The following TSPAN7 variants were observed in gnomAD, a reference collection of about 807,000 sequenced individuals.
TSPAN7 encodes tetraspanin-7.
TSPAN7 carries 1 observed loss-of-function variant against 17.6 expected under a neutral mutation model. The observed-to-expected ratio is 0.06, with a 90% confidence interval of 0.02 to 0.27. The LOEUF (loss-of-function observed/expected upper bound fraction) is 0.27. Ranked by LOEUF, TSPAN7 falls within the 10% of genes least tolerant of loss-of-function variation. The pLI is 1.00. For synonymous variants in TSPAN7, 78 were observed against 79.0 expected (o/e 0.99, Z 0.07); for missense variants, 112 against 201.7 (o/e 0.56, Z 2.69).
intron 1 of TSPAN7, among the ~76,000 whole-genome samples, chrX:38,643,484 A>G (rs1342357927): frequency 9.1e-6 from 1 of 109,893 alleles, no homozygotes; most frequent in Non-Finnish European, 1.9e-5. Context: ...GCTGGGTGTG[A>G]CAGGAAAAAG....
At chrX:38,640,339 T>C (rs766626399) in intron 1 of TSPAN7, among the ~76,000 whole-genome samples, 5 of 111,809 alleles carry the variant, frequency 4.5e-5, no homozygotes, top group Non-Finnish European at 9.4e-5. Flanking sequence ...ATAAATAGCA[T>C]AATAGCGAAA....
chrX:38,642,343 TG>T (rs2069617401), intron 1 of TSPAN7, among the ~76,000 whole-genome samples: 1 of 111,857 alleles, frequency 8.9e-6, no homozygotes, highest in African/African-American at 3.3e-5. Flanking sequence ...AATCTCCCAG[TG>T]GGTATTTATA....
chrX:38,564,808 A>T (rs2069133342), intron 1 of TSPAN7, among the ~76,000 whole-genome samples: 1 of 111,727 alleles, frequency 9.0e-6, no homozygotes, highest in Non-Finnish European at 1.9e-5. Context: ...TCTTTTGACC[A>T]TCTTAAGATG....
chrX:38,565,089 A>G (rs2147392115), intron 1 of TSPAN7, among the ~76,000 whole-genome samples: 1 of 112,126 alleles, frequency 8.9e-6, no homozygotes, highest in African/African-American at 3.2e-5. Flanking sequence ...ATTATCTCTC[A>G]GTTCAGTAAA....
chrX:38,567,074 GA>G (rs1268660824), intron 1 of TSPAN7, among the ~76,000 whole-genome samples: 1 of 104,749 alleles, frequency 9.5e-6, no homozygotes, highest in Non-Finnish European at 1.9e-5. Context: ...ATCTTTTCTG[GA>G]AAAATAATTT....
intron 1 of TSPAN7, among the ~76,000 whole-genome samples, chrX:38,572,876 C>G (rs2069176337): frequency 1.8e-5 from 2 of 111,911 alleles, no homozygotes; most frequent in Non-Finnish European, 1.9e-5. Context: ...CTGTATCACT[C>G]ACTTGATATT....
intron 1 of TSPAN7, among the ~76,000 whole-genome samples, chrX:38,659,817 CTTTTTCTTTTTTTTTT>C (rs1452366937): frequency 4.8e-4 from 40 of 82,704 alleles, no homozygotes; most frequent in Admixed American, 1.6e-3. Flanking sequence ...TTTTCTTTTT[CTTTTTCTTTTTTTTTT>C]TTTTTTTTTT....
chrX:38,683,634 G>A (rs781637492), intron 6 of TSPAN7, among the ~76,000 whole-genome samples: 30 of 112,882 alleles, frequency 2.7e-4, no homozygotes, highest in Non-Finnish European at 4.9e-4. Flanking sequence ...AAGAGAAATG[G>A]CTATGGCTGG....
At chrX:38,599,689 C>A in intron 1 of TSPAN7, among the ~76,000 whole-genome samples, 1 of 111,156 alleles carries the variant, frequency 9.0e-6, no homozygotes, top group Non-Finnish European at 1.9e-5. Context: ...GCTTGCCCTA[C>A]ATTTTCTTGG....
chrX:38,590,957 G>C (rs941947765), intron 1 of TSPAN7, among the ~76,000 whole-genome samples: 1 of 111,246 alleles, frequency 9.0e-6, no homozygotes, highest in Non-Finnish European at 1.9e-5. Flanking sequence ...GATTTATCAA[G>C]TTTGATTTTC....
chrX:38,579,913 G>C (rs1004474474), intron 1 of TSPAN7, among the ~76,000 whole-genome samples: 1 of 111,728 alleles, frequency 9.0e-6, no homozygotes, highest in Non-Finnish European at 1.9e-5. Flanking sequence ...TATCAGTTGG[G>C]CTTATTTTTA....
intron 1 of TSPAN7, among the ~76,000 whole-genome samples, chrX:38,626,459 G>A (rs1331461884): frequency 1.8e-5 from 2 of 111,959 alleles, no homozygotes; most frequent in African/African-American, 6.5e-5. Context: ...AGCATCAGGA[G>A]AGCAGGATGA....
intron 1 of TSPAN7, among the ~76,000 whole-genome samples, chrX:38,569,569 T>A: frequency 9.0e-6 from 1 of 111,162 alleles, no homozygotes; most frequent in East Asian, 2.8e-4. Context: ...TCCCCTTTCC[T>A]CCCTACTTCC....
At chrX:38,603,198 C>A (rs1020641907) in intron 1 of TSPAN7, among the ~76,000 whole-genome samples, 3 of 111,616 alleles carry the variant, frequency 2.7e-5, no homozygotes, top group African/African-American at 9.8e-5. Flanking sequence ...TAGGAAAATG[C>A]AAATCAAAAC....
chrX:38,583,908 G>A (rs778280713), intron 1 of TSPAN7, among the ~76,000 whole-genome samples: 1 of 105,633 alleles, frequency 9.5e-6, no homozygotes, highest in South Asian at 4.3e-4. Context: ...ATTTTAGCAT[G>A]AAGAAACATA....
In TSPAN7 at chrX:38,638,509, G is replaced by C. The variant is rs963804789; in HGVS notation, c.82-27612G>C. On this transcript the variant is annotated intron_variant, in intron 1 of 7. Transcript: ENST00000378482. ...GTATATGGATATTCAGCATAAATCTGATTTTTTATGTAGATCGTGGTCAAG... is the reference window on the plus strand; with the variant it reads ...GTATATGGATATTCAGCATAAATCTCATTTTTTATGTAGATCGTGGTCAAG... 3.6e-5 allele frequency among the ~76,000 whole-genome samples: 4 copies of C among 112,159 alleles called. No homozygotes were observed. The Admixed American group carries it at 3.8e-4, about 11-fold the overall frequency.
chrX:38,624,403 A>G (rs898506144), intron 1 of TSPAN7, among the ~76,000 whole-genome samples: 1 of 112,316 alleles, frequency 8.9e-6, no homozygotes, highest in Non-Finnish European at 1.9e-5. Flanking sequence ...GAAAGGTACT[A>G]TGCAAGGACA....
intron 1 of TSPAN7, among the ~76,000 whole-genome samples, chrX:38,568,434 G>C (rs1161056718): frequency 9.1e-6 from 1 of 110,389 alleles, no homozygotes; most frequent in East Asian, 2.8e-4. Flanking sequence ...ATTTGGCTTA[G>C]TGTAGAATTG....
intron 1 of TSPAN7, among the ~76,000 whole-genome samples, chrX:38,622,714 T>A (rs965454640): frequency 2.7e-5 from 3 of 112,246 alleles, no homozygotes; most frequent in Non-Finnish European, 5.6e-5. Flanking sequence ...GAATGTAAAG[T>A]AAGCCCATGG....
Sources: gnomAD v4.1 joint callset for allele counts (sites outside exome capture counted in the v4.1 genomes callset) on GRCh38, gnomAD v4.1.1 for gene constraint, MANE v1.5 for transcripts, NCBI Gene and HGNC (gene_info 2026-07-23, HGNC 2026-07-21) for gene names.